Variants in ZNF248 observed in about 807,000 individuals in gnomAD.
The protein encoded by ZNF248 is zinc finger protein 248.
ZNF248 carries 20 observed loss-of-function variants against 44.3 expected under a neutral mutation model. That is an observed-to-expected ratio of 0.45 (90% CI 0.32 to 0.66). The LOEUF (loss-of-function observed/expected upper bound fraction) is 0.66. Ranked by LOEUF, ZNF248 falls within the 30% of genes least tolerant of loss-of-function variation. The pLI is 0.04. For missense variants in ZNF248, 654 were observed against 677.0 expected (o/e 0.97, Z 0.38); for synonymous variants, 224 against 229.0 (o/e 0.98, Z 0.20).
intron 6 of ZNF248, among the ~76,000 whole-genome samples, chr10:37,799,311 G>A (rs2049519616): frequency 6.6e-6 from 1 of 152,068 alleles, no homozygotes; most frequent in Non-Finnish European, 1.5e-5. Context: ...TTGGACCAGA[G>A]TTATTAGAAA....
At chr10:37,824,673 ATTTTTTTTT>A (rs755411927), downstream of ZNF248, among the ~76,000 whole-genome samples, 16 of 79,722 alleles carry the variant, frequency 2.0e-4, no homozygotes, top group South Asian at 2.9e-3. Flanking sequence ...ATTATTTTAA[ATTTTTTTTT>A]TTTTTTTTTT....
chr10:37,781,516 T>G (rs1187643751), intron 6 of ZNF248, among the ~76,000 whole-genome samples: 4 of 152,154 alleles, frequency 2.6e-5, no homozygotes, highest in Non-Finnish European at 5.9e-5. Context: ...TTGTAACAGT[T>G]TTTCCTGTAG....
chr10:37,840,872 T>G (rs1236228978), intron 3 of ZNF248, among the ~76,000 whole-genome samples: 1 of 152,160 alleles, frequency 6.6e-6, no homozygotes. Flanking sequence ...TGAAATCACT[T>G]CTGGTACCAG....
intron 6 of ZNF248, among the ~76,000 whole-genome samples, chr10:37,788,968 T>C (rs1181251850): frequency 6.6e-6 from 1 of 151,558 alleles, no homozygotes; most frequent in Non-Finnish European, 1.5e-5. Context: ...GCTTCCTGGG[T>C]TCAAGCGATT....
At chr10:37,828,007 C>G (rs1446998179), downstream of ZNF248, among the ~76,000 whole-genome samples, 1 of 152,152 alleles carries the variant, frequency 6.6e-6, no homozygotes, top group Non-Finnish European at 1.5e-5. Flanking sequence ...TATGACTGAG[C>G]AATTCTCATC....
downstream of ZNF248, among the ~76,000 whole-genome samples, chr10:37,824,596 T>C (rs1564542142): frequency 6.6e-6 from 1 of 151,458 alleles, no homozygotes; most frequent in Non-Finnish European, 1.5e-5. Flanking sequence ...TACCAAAGCA[T>C]TTAAAAATTA....
At chr10:37,853,808 G>C (rs1433417790) in intron 3 of ZNF248, among the ~76,000 whole-genome samples, 2 of 151,972 alleles carry the variant, frequency 1.3e-5, no homozygotes, top group Non-Finnish European at 2.9e-5. Context: ...AAAAAATGAC[G>C]AATCTGTCAC....
intron 6 of ZNF248, chr10:37,819,974 G>A (rs559422970): frequency 2.1e-5 from 16 of 767,288 alleles, no homozygotes; most frequent in Non-Finnish European, 3.4e-5. Flanking sequence ...CATCTCAAGC[G>A]GTCTTGCATG....
chr10:37,826,881 T>G (rs2054468441), downstream of ZNF248, among the ~76,000 whole-genome samples: 1 of 152,154 alleles, frequency 6.6e-6, no homozygotes, highest in Non-Finnish European at 1.5e-5. Context: ...AAAACTCCAG[T>G]GTATTATAAA....
intron 6 of ZNF248, among the ~76,000 whole-genome samples, chr10:37,798,930 T>A (rs1356434840): frequency 2.0e-5 from 3 of 152,028 alleles, no homozygotes; most frequent in Non-Finnish European, 4.4e-5. Flanking sequence ...TAAAAATAAA[T>A]CATCACAGTT....
chr10:37,848,188 G>T (rs980062230), intron 3 of ZNF248, among the ~76,000 whole-genome samples: 2 of 152,150 alleles, frequency 1.3e-5, no homozygotes, highest in South Asian at 4.2e-4. Flanking sequence ...CAGGTGAATC[G>T]CTTGAACCCA....
chr10:37,764,485 T>A, the ZNF248 span, among the ~76,000 whole-genome samples: 1 of 152,222 alleles, frequency 6.6e-6, no homozygotes, highest in African/African-American at 2.4e-5. Flanking sequence ...GTGAAGCATG[T>A]GATCTCTGTG....
At chr10:37,817,711 T>C (rs189169395) in intron 6 of ZNF248, among the ~76,000 whole-genome samples, 6 of 152,206 alleles carry the variant, frequency 3.9e-5, no homozygotes, top group Non-Finnish European at 7.4e-5. Flanking sequence ...TTTTTAAAAA[T>C]TGAAATTATT....
intron 6 of ZNF248, among the ~76,000 whole-genome samples, chr10:37,797,341 TA>T (rs1190115094): frequency 6.6e-6 from 1 of 151,190 alleles, no homozygotes; most frequent in East Asian, 1.9e-4. Flanking sequence ...GCTAATACTT[TA>T]AAACCCCTTG....
chr10:37,840,981 T>C (rs72791727), intron 3 of ZNF248, among the ~76,000 whole-genome samples: 18,916 of 152,032 alleles, frequency 0.12, 1,396 homozygotes, highest in East Asian at 0.29. Context: ...GCTGAAGCAG[T>C]TGGAACAACA....
chr10:37,791,203 G>A (rs542104723), intron 6 of ZNF248, among the ~76,000 whole-genome samples: 87 of 151,282 alleles, frequency 5.8e-4, no homozygotes, highest in African/African-American at 2.0e-3. Flanking sequence ...CACCACGACC[G>A]GCTAATTTTT....
intron 5 of ZNF248, among the ~76,000 whole-genome samples, chr10:37,834,593 A>G (rs886080476): frequency 4.6e-5 from 7 of 152,204 alleles, no homozygotes; most frequent in African/African-American, 1.4e-4. Context: ...ATCTCAATGC[A>G]AAAAGAAACC....
chr10:37,760,091 C>T, the ZNF248 span, among the ~76,000 whole-genome samples: 1 of 152,180 alleles, frequency 6.6e-6, no homozygotes, highest in Non-Finnish European at 1.5e-5. Flanking sequence ...AAAGTTTTTA[C>T]ACCTCAGGGT....
At chr10:37,797,433 C>T (rs2049283881) in intron 6 of ZNF248, among the ~76,000 whole-genome samples, 1 of 151,820 alleles carries the variant, frequency 6.6e-6, no homozygotes, top group South Asian at 2.1e-4. Context: ...GCATGAGCTA[C>T]CAAAGAAAAA....
Sources: allele counts gnomAD v4.1 joint callset (sites outside exome capture counted in the v4.1 genomes callset), GRCh38; gene constraint gnomAD v4.1.1; transcripts MANE v1.5; gene names NCBI Gene and HGNC (gene_info 2026-07-23, HGNC 2026-07-21).